ARHGAP20: variants seen among roughly 807,000 people sequenced by gnomAD.
ARHGAP20 encodes Rho GTPase activating protein 20, also known as rho GTPase-activating protein 20.
Under a neutral mutation model 73.7 loss-of-function variants are expected in ARHGAP20, and 34 were observed. The observed-to-expected ratio is 0.46, with a 90% CI of 0.35 to 0.61. The LOEUF is 0.61. ARHGAP20 is among the 20% of genes least tolerant of loss of function. ARHGAP20 has a pLI of 0.00. For synonymous variants in ARHGAP20, 523 were observed against 518.2 expected (o/e 1.01, Z -0.13); for missense variants, 1,314 against 1,420.9 (o/e 0.92, Z 1.21).
intron 1 of ARHGAP20, among the ~76,000 whole-genome samples, chr11:110,702,153 C>A (rs1051803707): frequency 9.2e-5 from 14 of 152,016 alleles, no homozygotes; most frequent in African/African-American, 3.1e-4. Flanking sequence ...ACTGGCAAAC[C>A]GAATCCAGCA....
chr11:110,609,407 T>C (rs1403664897), intron 7 of ARHGAP20, among the ~76,000 whole-genome samples: 1 of 152,154 alleles, frequency 6.6e-6, no homozygotes, highest in Non-Finnish European at 1.5e-5. Flanking sequence ...CAAACACTGC[T>C]ATGTCTATGA....
chr11:110,639,068 A>G (rs1156886525), intron 2 of ARHGAP20, among the ~76,000 whole-genome samples: 1 of 152,058 alleles, frequency 6.6e-6, no homozygotes, highest in Non-Finnish European at 1.5e-5. Context: ...TTAATTTTTC[A>G]TCCAACAAAT....
chr11:110,631,875 T>A (rs757907198), intron 2 of ARHGAP20, among the ~76,000 whole-genome samples: 30 of 152,158 alleles, frequency 2.0e-4, no homozygotes, highest in Non-Finnish European at 1.8e-4. Context: ...ACCCCAGAGG[T>A]AACCACTATT....
At chr11:110,684,513 A>G (rs577489218) in intron 2 of ARHGAP20, among the ~76,000 whole-genome samples, 70 of 152,242 alleles carry the variant, frequency 4.6e-4, no homozygotes, top group Middle Eastern at 3.4e-3. Context: ...AGTATGGCAA[A>G]TTTTCAAAGA....
chr11:110,592,405 T>C lies in ARHGAP20; in HGVS notation c.965-250A>G, dbSNP rs187617549. ...CCATCCAGTTTTTGGACATCACTGG[T>C]CTGTTTACTTGAATTTTGGCACTAC... On this transcript the variant is annotated intron_variant, in intron 9 of 14. Transcript: ENST00000683387. 2.2e-3 allele frequency among the ~76,000 whole-genome samples: 338 copies of C among 152,292 alleles called. 2 individuals are homozygous for C. Among genetic ancestry groups the C allele is most frequent in the Admixed American group, 4.9e-3 (75 of 15,294 alleles).
intron 8 of ARHGAP20, among the ~76,000 whole-genome samples, chr11:110,607,069 G>A (rs889403993): frequency 1.3e-5 from 2 of 152,046 alleles, no homozygotes; most frequent in African/African-American, 4.8e-5. Flanking sequence ...ATAACTAAAG[G>A]TATTCTATTG....
Position 110,577,340 on chromosome 11 carries a change from C to CAAACT in ARHGAP20, c.*2025_*2029dup. 8.1e-7 allele frequency: 1 copy of CAAACT among 1,240,666 alleles called. No individual in the cohort carries two copies. Among genetic ancestry groups the CAAACT allele is most frequent in the East Asian group, 3.2e-5 (1 of 31,160 alleles). 76.9% of individuals were successfully genotyped at this position (1,240,666 alleles called of 1,614,324 possible). On this transcript the variant is annotated 3_prime_UTR_variant, in exon 15 of 15. Coordinates refer to ENST00000683387, the MANE Select transcript of ARHGAP20 (RefSeq NM_001384657.1). The stretch of plus-strand genomic sequence containing the variant: ...ATATAATACTTTACAGCAATATTAA[C>CAAACT]AAACTATTCACATTAAGAATTACAG...
At position 110,584,972 on chromosome 11, in the gene ARHGAP20, A is replaced by AAT. The variant is rs1555082422; in HGVS notation, c.1416-1237_1416-1236dup. 1.4e-3 allele frequency among the ~76,000 whole-genome samples: 199 copies of AAT among 145,948 alleles called. 1 individual carries two copies. Among genetic ancestry groups the AAT allele is most frequent in the African/African-American group, 5.0e-3 (195 of 38,670 alleles). ...ATATATGAATATATGTGAATATATG[A>AAT]ATATATATGTGAAAATATATATGAA... is the stretch of plus-strand genomic sequence containing the variant. On this transcript the variant is annotated intron_variant, in intron 12 of 14. Coordinates refer to ENST00000683387, the MANE Select transcript of ARHGAP20 (RefSeq NM_001384657.1).
chr11:110,619,272 G>A (rs111743368), intron 4 of ARHGAP20, among the ~76,000 whole-genome samples: 4 of 85,820 alleles, frequency 4.7e-5, no homozygotes, highest in Non-Finnish European at 6.9e-5. Context: ...GTGATAGAGT[G>A]TATGCAGTGA....
At chr11:110,629,631 TA>T (rs1221074357) in intron 3 of ARHGAP20, among the ~76,000 whole-genome samples, 18 of 152,300 alleles carry the variant, frequency 1.2e-4, no homozygotes, top group Admixed American at 1.1e-3. Flanking sequence ...GTCTTTAATT[TA>T]AAAAAATGTA....
intron 2 of ARHGAP20, among the ~76,000 whole-genome samples, chr11:110,636,363 T>G (rs768391593): frequency 6.6e-6 from 1 of 152,126 alleles, no homozygotes; most frequent in Non-Finnish European, 1.5e-5. Flanking sequence ...AAGGCTAATC[T>G]GAAGTAACTG....
intron 6 of ARHGAP20, 50 bp downstream of exon 6, chr11:110,614,511 T>G: frequency 6.6e-7 from 1 of 1,506,738 alleles, no homozygotes; most frequent in Non-Finnish European, 9.2e-7. Context: ...CGTAGTGTTC[T>G]GTCTTATGCA....
At chr11:110,703,898 G>A (rs1254538428) in intron 1 of ARHGAP20, among the ~76,000 whole-genome samples, 1 of 152,104 alleles carries the variant, frequency 6.6e-6, no homozygotes, top group Non-Finnish European at 1.5e-5. Context: ...CATACAAAAT[G>A]ATATTTGTAC....
Position 110,689,627 on chromosome 11 carries a change from C to T in ARHGAP20, c.188+920G>A, listed in dbSNP as rs1950203622. On this transcript the variant is annotated intron_variant, in intron 2 of 14. Transcript: ENST00000683387. ...CAGTAGGTAGCTAGTCAGGTGTGAGCAGGGCAGGAAAAGGCTCCCCGCAAC... is the reference window on the plus strand; with the variant it reads ...CAGTAGGTAGCTAGTCAGGTGTGAGTAGGGCAGGAAAAGGCTCCCCGCAAC... 7.2e-5 allele frequency among the ~76,000 whole-genome samples: 11 copies of T among 152,108 alleles called. No homozygotes were observed. The South Asian group carries it at 2.1e-3, about 29-fold the overall frequency.
At chr11:110,635,077 A>AATC (rs1221321959) in intron 2 of ARHGAP20, among the ~76,000 whole-genome samples, 6 of 152,096 alleles carry the variant, frequency 3.9e-5, no homozygotes, top group Admixed American at 6.6e-5. Flanking sequence ...AGCTATAAAA[A>AATC]ATCAGAATTA....
intron 12 of ARHGAP20, among the ~76,000 whole-genome samples, chr11:110,584,600 G>A (rs938494346): frequency 6.6e-6 from 1 of 151,946 alleles, no homozygotes; most frequent in African/African-American, 2.4e-5. Flanking sequence ...GTATTCAATG[G>A]AAAATAAGGC....
chr11:110,599,894 C>T (rs1199843547), intron 9 of ARHGAP20, among the ~76,000 whole-genome samples: 1 of 152,128 alleles, frequency 6.6e-6, no homozygotes, highest in Non-Finnish European at 1.5e-5. Flanking sequence ...CAACCAACTA[C>T]AGGGAGGAGC....
At chr11:110,643,569 T>C (rs537653335) in intron 2 of ARHGAP20, among the ~76,000 whole-genome samples, 9 of 152,160 alleles carry the variant, frequency 5.9e-5, no homozygotes, top group Non-Finnish European at 1.2e-4. Flanking sequence ...AATGTAATTA[T>C]GTGGTTTTGA....
At chr11:110,611,587 A>G (rs1048708097) in intron 6 of ARHGAP20, among the ~76,000 whole-genome samples, 4 of 152,188 alleles carry the variant, frequency 2.6e-5, no homozygotes, top group African/African-American at 7.2e-5. Flanking sequence ...CTAATAAAAC[A>G]TTTCTCTTAA....
Sources: gnomAD v4.1 joint callset for allele counts (sites outside exome capture counted in the v4.1 genomes callset) on GRCh38, gnomAD v4.1.1 for gene constraint, MANE v1.5 for transcripts, NCBI Gene and HGNC (gene_info 2026-07-23, HGNC 2026-07-21) for gene names.